The following OSBPL8 variants were observed in gnomAD, a reference collection of about 807,000 sequenced individuals.
The protein encoded by OSBPL8 is oxysterol binding protein like 8, also known as oxysterol-binding protein-related protein 8.
OSBPL8 carries 59 observed loss-of-function variants against 125.5 expected under a neutral mutation model. That is an observed-to-expected ratio of 0.47 (90% CI 0.38 to 0.58). The LOEUF is 0.58. Ranked by LOEUF, OSBPL8 falls within the 20% of genes least tolerant of loss-of-function variation. The probability of loss-of-function intolerance (pLI) is 0.00; values close to 1 mark genes in which losing one functional copy is unlikely to be tolerated. For synonymous variants in OSBPL8, 330 were observed against 338.9 expected (o/e 0.97, Z 0.29); for missense variants, 758 against 1,047.8 (o/e 0.72, Z 3.82).
At chr12:76,450,490 T>C (rs1873247078) in intron 4 of OSBPL8, among the ~76,000 whole-genome samples, 1 of 152,118 alleles carries the variant, frequency 6.6e-6, no homozygotes. Flanking sequence ...ATTTCTAGTT[T>C]TAATTTATAA....
At chr12:76,356,830 A>T in intron 22 of OSBPL8, 102 bp from the exon 23 acceptor site, 1 of 712,430 alleles carries the variant, frequency 1.4e-6, no homozygotes, top group Non-Finnish European at 2.3e-6. Flanking sequence ...TTGTTTTTGT[A>T]GCCTAGAGAT....
At chr12:76,371,188 T>C (rs899780419) in intron 19 of OSBPL8, 22 of 270,496 alleles carry the variant, frequency 8.1e-5, no homozygotes, top group Non-Finnish European at 1.5e-4. Flanking sequence ...AACAAAAACG[T>C]TCTTTCTTTC....
chr12:76,519,741 T>C (rs894789083), intron 1 of OSBPL8, among the ~76,000 whole-genome samples: 1 of 152,120 alleles, frequency 6.6e-6, no homozygotes, highest in Non-Finnish European at 1.5e-5. Flanking sequence ...GGGAGCAGCA[T>C]ATCACATGGT....
At chr12:76,422,844 C>A in intron 4 of OSBPL8, 1 of 230,370 alleles carries the variant, frequency 4.3e-6, no homozygotes, top group Middle Eastern at 1.8e-3. Context: ...GAAAGCCTGA[C>A]AGAAAAAGCA....
chr12:76,543,021 G>A (rs1030938139), intron 1 of OSBPL8, among the ~76,000 whole-genome samples: 1 of 152,072 alleles, frequency 6.6e-6, no homozygotes, highest in South Asian at 2.1e-4. Flanking sequence ...GACTAGGTGT[G>A]CATATTCTTA....
chr12:76,511,521 G>T (rs925293712), intron 1 of OSBPL8, among the ~76,000 whole-genome samples: 2 of 152,172 alleles, frequency 1.3e-5, no homozygotes, highest in African/African-American at 4.8e-5. Flanking sequence ...CCACAGGTAT[G>T]TCTTCTTTCG....
intron 15 of OSBPL8, among the ~76,000 whole-genome samples, chr12:76,378,994 C>T (rs546695966): frequency 2.6e-5 from 4 of 152,192 alleles, no homozygotes; most frequent in South Asian, 4.2e-4. Flanking sequence ...GATTTTAACT[C>T]CTGACCTTGG....
In OSBPL8 at chr12:76,389,384, C is replaced by CA. The variant is rs143096457; in HGVS notation, c.1352+260_1352+261insT. Among the ~76,000 whole-genome samples the CA allele has an allele frequency of 3.7e-3, 563 of 152,256 alleles. 3 individuals carry two copies. Among genetic ancestry groups the CA allele is most frequent in the Non-Finnish European group, 6.6e-3 (452 of 68,016 alleles). On this transcript the variant is annotated intron_variant, in intron 12 of 23. Transcript: ENST00000261183. ...TGAACTGAGGTTAAGGAGCCTATAACGGCAGTGTTGTTGAGTAAAGGGTAG... is the reference window on the plus strand; with the variant it reads ...TGAACTGAGGTTAAGGAGCCTATAACAGGCAGTGTTGTTGAGTAAAGGGTAG...
At chr12:76,432,957 A>C (rs1431152768) in intron 4 of OSBPL8, among the ~76,000 whole-genome samples, 1 of 152,198 alleles carries the variant, frequency 6.6e-6, no homozygotes, top group Non-Finnish European at 1.5e-5. Flanking sequence ...CAAATCAATC[A>C]ATGGGATGAA....
chr12:76,387,134 G>C (rs1953348308), intron 12 of OSBPL8, among the ~76,000 whole-genome samples: 2 of 152,156 alleles, frequency 1.3e-5, no homozygotes. Flanking sequence ...ATATTTACTT[G>C]GTTGAGTCCA....
At chr12:76,386,808 T>TCAAC (rs1953331859) in intron 12 of OSBPL8, 148 bp from the exon 13 acceptor site, 1 of 574,754 alleles carries the variant, frequency 1.7e-6, no homozygotes, top group African/African-American at 1.9e-5. Flanking sequence ...TAATCAATTT[T>TCAAC]CAACCATGTA....
chr12:76,446,530 G>A (rs945192990), intron 4 of OSBPL8, among the ~76,000 whole-genome samples: 2 of 152,084 alleles, frequency 1.3e-5, no homozygotes, highest in African/African-American at 4.8e-5. Context: ...GACTAACACC[G>A]TGGCTGCTTT....
intron 2 of OSBPL8, among the ~76,000 whole-genome samples, chr12:76,478,886 C>G (rs1877128995): frequency 6.6e-6 from 1 of 152,080 alleles, no homozygotes; most frequent in Non-Finnish European, 1.5e-5. Flanking sequence ...GAGATCGAGA[C>G]CATCCTGGCT....
At chr12:76,463,605 C>A (rs144606470) in intron 2 of OSBPL8, among the ~76,000 whole-genome samples, 3 of 152,166 alleles carry the variant, frequency 2.0e-5, no homozygotes, top group African/African-American at 7.2e-5. Context: ...AGAACAGGCC[C>A]TAGAAAAACA....
At chr12:76,542,763 T>C (rs1950681540) in intron 1 of OSBPL8, among the ~76,000 whole-genome samples, 1 of 152,146 alleles carries the variant, frequency 6.6e-6, no homozygotes, top group African/African-American at 2.4e-5. Context: ...TCCCTAATAG[T>C]TTTCAAGAGA....
chr12:76,527,123 C>A (rs1209463377), intron 1 of OSBPL8, among the ~76,000 whole-genome samples: 3 of 151,486 alleles, frequency 2.0e-5, no homozygotes, highest in Admixed American at 2.0e-4. Flanking sequence ...TACCTGCTGT[C>A]TATATATTGC....
At chr12:76,514,702 A>G (rs1311338022) in intron 1 of OSBPL8, among the ~76,000 whole-genome samples, 1 of 152,176 alleles carries the variant, frequency 6.6e-6, no homozygotes, top group Non-Finnish European at 1.5e-5. Flanking sequence ...TGGCCTCTCT[A>G]GCAAAGCTGG....
intron 1 of OSBPL8, among the ~76,000 whole-genome samples, chr12:76,533,889 A>G (rs1456820915): frequency 6.6e-6 from 1 of 152,236 alleles, no homozygotes; most frequent in Non-Finnish European, 1.5e-5. Flanking sequence ...GAGGCAAAAT[A>G]AACAGAAGAT....
chr12:76,457,196 A>G (rs1874157427), intron 3 of OSBPL8, among the ~76,000 whole-genome samples: 1 of 152,218 alleles, frequency 6.6e-6, no homozygotes, highest in African/African-American at 2.4e-5. Context: ...GCTCATAGTA[A>G]TAACAGGAAG....
Sources: allele counts gnomAD v4.1 joint callset (sites outside exome capture counted in the v4.1 genomes callset), GRCh38; gene constraint gnomAD v4.1.1; transcripts MANE v1.5; gene names NCBI Gene and HGNC (gene_info 2026-07-23, HGNC 2026-07-21).